The following IGF2R variants were observed in gnomAD, a reference collection of about 807,000 sequenced individuals.
IGF2R encodes insulin like growth factor 2 receptor.
IGF2R carries 91 observed loss-of-function variants against 270.6 expected under a neutral mutation model. That is an observed-to-expected ratio of 0.34 (90% CI 0.28 to 0.40). IGF2R has a LOEUF of 0.40. Among genes scored for constraint, IGF2R ranks in the 10% least tolerant of loss-of-function variants. The pLI, the probability that IGF2R is intolerant of heterozygous loss-of-function variation, is 1.00. For synonymous variants in IGF2R, 1,316 were observed against 1,258.9 expected, an observed-to-expected ratio of 1.05 and a Z score of -0.96; for missense variants, 2,805 against 3,188.3, an observed-to-expected ratio of 0.88 and a Z score of 2.90.
chr6:159,980,804 C>A (rs943601622), intron 1 of IGF2R, among the ~76,000 whole-genome samples: 1 of 152,214 alleles, frequency 6.6e-6, no homozygotes, highest in African/African-American at 2.4e-5. Context: ...GGTCTGAATT[C>A]TGCGCTGGGG....
At chr6:160,000,527 C>G (rs988520533) in intron 2 of IGF2R, among the ~76,000 whole-genome samples, 1 of 152,092 alleles carries the variant, frequency 6.6e-6, no homozygotes, top group African/African-American at 2.4e-5. Context: ...CGAGACAGAG[C>G]TAAGCCGCAT....
At position 160,047,819 on chromosome 6, in the gene IGF2R, C is replaced by T. The variant is rs146539241; in HGVS notation, c.2257C>T (p.Arg753Trp). Residue 753 changes from arginine (R) to tryptophan (W), a missense_variant, in exon 17 of 48, where the codon CGG becomes TGG. Physicochemically the swap from Arg to Trp is moderately radical, Grantham distance 101. Coordinates refer to ENST00000356956, the MANE Select transcript of IGF2R (RefSeq NM_000876.4). Reference sequence around the variant, plus strand: ...AGAGGATAACTCCACCTACAACTTCCGGTGGTACACCAGCTATGCCTGCCC... The same window carrying T: ...AGAGGATAACTCCACCTACAACTTCTGGTGGTACACCAGCTATGCCTGCCC... ...QEEDNSTYNF[R>W]WYTSYACPEE... 39 of 1,613,624 alleles carry T rather than the reference C, an allele frequency of 2.4e-5. No individual in the cohort carries two copies. Among genetic ancestry groups the T allele is most frequent in the African/African-American group, 6.7e-5 (5 of 74,924 alleles).
intron 10 of IGF2R, among the ~76,000 whole-genome samples, chr6:160,037,236 C>T (rs1276236051): frequency 2.0e-5 from 3 of 152,128 alleles, no homozygotes; most frequent in Non-Finnish European, 4.4e-5. Flanking sequence ...TAACAAGGAG[C>T]CTGGACAGAG....
intron 19 of IGF2R, among the ~76,000 whole-genome samples, chr6:160,056,028 C>G (rs866102991): frequency 6.6e-6 from 1 of 152,194 alleles, no homozygotes; most frequent in African/African-American, 2.4e-5. Context: ...TGACCTCTGA[C>G]AGCGCAGGCC....
chr6:160,043,089 C>T, intron 11 of IGF2R, 59 bp from the exon 12 acceptor site: 1 of 1,582,874 alleles, frequency 6.3e-7, no homozygotes, highest in Non-Finnish European at 8.6e-7. Flanking sequence ...ACTATTTATT[C>T]TGTGACTCAG....
At chr6:159,995,829 G>T (rs1158357830) in intron 2 of IGF2R, among the ~76,000 whole-genome samples, 1 of 149,376 alleles carries the variant, frequency 6.7e-6, no homozygotes, top group Non-Finnish European at 1.5e-5. Context: ...GTATTTCAAG[G>T]ATTTCATTTT....
At chr6:160,039,244 C>T (rs1777889898) in intron 10 of IGF2R, among the ~76,000 whole-genome samples, 1 of 152,148 alleles carries the variant, frequency 6.6e-6, no homozygotes, top group African/African-American at 2.4e-5. Flanking sequence ...TGTGAGTGTA[C>T]TGAATACTGC....
intron 39 of IGF2R, among the ~76,000 whole-genome samples, chr6:160,082,882 G>C (rs1375682487): frequency 1.3e-5 from 2 of 152,196 alleles, no homozygotes; most frequent in Non-Finnish European, 2.9e-5. Context: ...TGCAGGCCTT[G>C]GTCTGACATT....
At chr6:159,990,396 G>C (rs1024046515) in intron 1 of IGF2R, among the ~76,000 whole-genome samples, 1 of 152,052 alleles carries the variant, frequency 6.6e-6, no homozygotes, top group African/African-American at 2.4e-5. Context: ...GTTTTATAAG[G>C]GGCTTTTTCC....
At chr6:160,046,087 T>C (rs1239462548) in intron 14 of IGF2R, among the ~76,000 whole-genome samples, 1 of 152,238 alleles carries the variant, frequency 6.6e-6, no homozygotes, top group Non-Finnish European at 1.5e-5. Flanking sequence ...GTGGTTTTGC[T>C]GAATGCAAAA....
chr6:160,073,096 C>G (rs745451195), intron 33 of IGF2R, 117 bp from the exon 34 acceptor site: 11 of 1,442,972 alleles, frequency 7.6e-6, no homozygotes, highest in African/African-American at 5.7e-5. Context: ...GGATTGGACA[C>G]TTGAAGTTAT....
In IGF2R at chr6:160,029,547, C is replaced by T; in HGVS notation, c.777-3C>T. On this transcript the variant is annotated splice_region_variant and splice_polypyrimidine_tract_variant and intron_variant, in intron 6 of 47. Transcript: ENST00000356956. ...TACTCTTTTCTCAATGTGGCTCTCCCAGGCTTGTCCTGAGTTACGTGAGGG... is the reference window on the plus strand; with the variant it reads ...TACTCTTTTCTCAATGTGGCTCTCCTAGGCTTGTCCTGAGTTACGTGAGGG... 1 of 1,605,820 alleles carries T rather than the reference C, an allele frequency of 6.2e-7. No individual in the cohort carries two copies.
chr6:159,987,552 C>T lies in IGF2R; in HGVS notation c.150-3632C>T, dbSNP rs540343205. Among the ~76,000 whole-genome samples, 372 of 152,218 alleles carry T rather than the reference C, an allele frequency of 2.4e-3. 2 individuals are homozygous for T. The highest frequency in any genetic ancestry group is 8.2e-3 in the African/African-American group (342 of 41,530). ...GACTATAGGCGTGCACCACCACGCC[C>T]GGCTAATTTTTGTATTTTTAGTAGA... is the stretch of plus-strand genomic sequence containing the variant. On this transcript the variant is annotated intron_variant, in intron 1 of 47. Transcript: ENST00000356956.
At chr6:160,091,486 T>C (rs1026533544) in intron 44 of IGF2R, among the ~76,000 whole-genome samples, 1 of 152,086 alleles carries the variant, frequency 6.6e-6, no homozygotes, top group Admixed American at 6.5e-5. Context: ...TGGTCACAGA[T>C]TGTAGACAGC....
chr6:160,044,726 G>C, intron 13 of IGF2R, 69 bp downstream of exon 13: 1 of 1,221,614 alleles, frequency 8.2e-7, no homozygotes, highest in Non-Finnish European at 1.2e-6. Context: ...TCATATCTCT[G>C]TTCCTCATCA....
chr6:159,994,481 G>A (rs1285006170), intron 2 of IGF2R, among the ~76,000 whole-genome samples: 1 of 151,162 alleles, frequency 6.6e-6, no homozygotes, highest in Non-Finnish European at 1.5e-5. Flanking sequence ...TATTTCTTCT[G>A]TTAGGTTTCA....
intron 35 of IGF2R, among the ~76,000 whole-genome samples, chr6:160,074,663 T>G (rs1778818137): frequency 6.6e-6 from 1 of 152,254 alleles, no homozygotes; most frequent in Non-Finnish European, 1.5e-5. Context: ...TATGTTTTAA[T>G]ATTTGAATGT....
rs1241965133 is a variant in IGF2R, at chr6:160,107,406, T to C, written c.*2322T>C. The C allele has an allele frequency of 6.6e-6, 1 of 152,270 alleles. No homozygotes were observed. Among genetic ancestry groups the C allele is most frequent in the Non-Finnish European group, 1.5e-5 (1 of 68,044 alleles). The allele number at this position is 152,270 out of a possible 1,614,324, so 9.4% of individuals were successfully genotyped here. A position where few individuals can be genotyped will look rare whatever the true frequency, so the allele number is the denominator to read the frequency against. ...TGGGGAAGGAGAAGTGACAACACGT[T>C]TGAGTGCATTTGCTTTGACTCTTAG... is the stretch of plus-strand genomic sequence containing the variant. On this transcript the variant is annotated 3_prime_UTR_variant, in exon 48 of 48. Transcript: ENST00000356956.
At chr6:160,060,146 TCATCA>T (rs1778403368) in intron 22 of IGF2R, among the ~76,000 whole-genome samples, 2 of 152,088 alleles carry the variant, frequency 1.3e-5, no homozygotes, top group African/African-American at 4.8e-5. Flanking sequence ...TGTAAACCTG[TCATCA>T]CATAGGCCAC....
Sources: gnomAD v4.1 joint callset for allele counts (sites outside exome capture counted in the v4.1 genomes callset) on GRCh38, gnomAD v4.1.1 for gene constraint, MANE v1.5 for transcripts, NCBI Gene and HGNC (gene_info 2026-07-23, HGNC 2026-07-21) for gene names.